ZNF678: variants seen among roughly 807,000 people sequenced by gnomAD.
The protein encoded by ZNF678 is hypothetical protein MGC42493.
Under a neutral mutation model 3.0 loss-of-function variants are expected in ZNF678, and 5 were observed. That is an observed-to-expected ratio of 1.69 (90% CI 0.88 to 3.56). The LOEUF is 3.56. ZNF678 is among the 30% of genes most tolerant of loss of function. The pLI, the probability that ZNF678 is intolerant of heterozygous loss-of-function variation, is 0.00. For synonymous variants in ZNF678, 218 were observed against 199.6 expected, an observed-to-expected ratio of 1.09 and a Z score of -0.78; for missense variants, 593 against 605.0, an observed-to-expected ratio of 0.98 and a Z score of 0.21.
In ZNF678 at chr1:227,655,793, G is replaced by C; in HGVS notation, c.1543G>C (p.Glu515Gln). 1 of 1,580,272 alleles carries C rather than the reference G, an allele frequency of 6.3e-7. No individual in the cohort carries two copies. The highest frequency in any genetic ancestry group is 8.6e-7 in the Non-Finnish European group (1 of 1,166,872). ...SKYKRIYTGE[E>Q]PDKCKKCGSL ...GTATAAGAGAATTTATACTGGAGAG[G>C]AACCTGACAAATGTAAAAAATGTGG... The change falls in exon 4 of 4, where the codon GAA becomes CAA. Residue 515 changes from glutamate (E) to glutamine (Q), a missense_variant. Physicochemically the swap from Glu to Gln is conservative, Grantham distance 29. Coordinates refer to ENST00000343776, the MANE Select transcript of ZNF678 (RefSeq NM_001367909.1).
At position 227,659,108 on chromosome 1, in the gene ZNF678, C is replaced by T. The variant is rs1558160464; in HGVS notation, c.*3280C>T. 1 of 151,860 alleles carries T rather than the reference C, an allele frequency of 6.6e-6. No homozygotes were observed. The highest frequency in any genetic ancestry group is 1.9e-4 in the East Asian group (1 of 5,182). 9.4% of individuals were successfully genotyped at this position (151,860 alleles called of 1,614,324 possible). A position where few individuals can be genotyped will look rare whatever the true frequency, so the allele number is the denominator to read the frequency against. ...ATGTAATATATTAGACAATAATAAA[C>T]ATTTACATTTATGTTTACATTTATA... is the stretch of plus-strand genomic sequence containing the variant. On this transcript the variant is annotated 3_prime_UTR_variant, in exon 4 of 4. Transcript: ENST00000343776.
chr1:227,664,368 C>T (rs1659466087), downstream of ZNF678, among the ~76,000 whole-genome samples: 1 of 152,126 alleles, frequency 6.6e-6, no homozygotes, highest in African/African-American at 2.4e-5. Context: ...GCTTCCGACA[C>T]TTGATAATCT....
intron 1 of ZNF678, among the ~76,000 whole-genome samples, chr1:227,587,187 A>G (rs1322765324): frequency 1.3e-5 from 2 of 152,220 alleles, no homozygotes; most frequent in Non-Finnish European, 2.9e-5. Flanking sequence ...AGTGTCGTCA[A>G]GTAATCACTT....
intron 5 of ZNF678, among the ~76,000 whole-genome samples, chr1:227,667,860 T>C (rs1283617230): frequency 1.3e-5 from 2 of 152,140 alleles, no homozygotes; most frequent in African/African-American, 4.8e-5. Flanking sequence ...ACATTAACCA[T>C]GAAATTATAG....
chr1:227,573,982 G>T (rs929871690), intron 1 of ZNF678, among the ~76,000 whole-genome samples: 24 of 152,100 alleles, frequency 1.6e-4, no homozygotes, highest in Admixed American at 1.5e-3. Context: ...CTCCAATCAG[G>T]TTCCTGCAAA....
At chr1:227,569,134 C>A (rs1304054131) in intron 1 of ZNF678, among the ~76,000 whole-genome samples, 1 of 152,140 alleles carries the variant, frequency 6.6e-6, no homozygotes, top group Non-Finnish European at 1.5e-5. Flanking sequence ...GGACTACAGG[C>A]ATATACTACC....
chr1:227,567,954 CA>C (rs980994029), intron 1 of ZNF678, among the ~76,000 whole-genome samples: 10 of 151,950 alleles, frequency 6.6e-5, no homozygotes, highest in African/African-American at 2.2e-4. Flanking sequence ...GAGGAACACA[CA>C]AAACTAGAAA....
intron 1 of ZNF678, among the ~76,000 whole-genome samples, chr1:227,627,314 CTA>C (rs1482775077): frequency 3.9e-5 from 6 of 152,038 alleles, no homozygotes; most frequent in African/African-American, 9.7e-5. Context: ...GGGGAGGAAA[CTA>C]TGTCCTCATG....
intron 1 of ZNF678, among the ~76,000 whole-genome samples, chr1:227,580,093 G>A (rs947339950): frequency 6.6e-6 from 1 of 152,156 alleles, no homozygotes; most frequent in Non-Finnish European, 1.5e-5. Context: ...CTTCTTGACA[G>A]TTCAACTTGT....
intron 1 of ZNF678, among the ~76,000 whole-genome samples, chr1:227,582,953 G>C (rs1369632987): frequency 6.6e-6 from 1 of 152,180 alleles, no homozygotes; most frequent in African/African-American, 2.4e-5. Context: ...GGCAATTTCT[G>C]ATAGGTAAAG....
At chr1:227,623,886 A>G (rs1337756227) in intron 1 of ZNF678, among the ~76,000 whole-genome samples, 1 of 152,214 alleles carries the variant, frequency 6.6e-6, no homozygotes, top group Non-Finnish European at 1.5e-5. Flanking sequence ...CTCTCCAATC[A>G]TCTGGAAGAT....
chr1:227,634,116 C>A (rs910603048), intron 1 of ZNF678, among the ~76,000 whole-genome samples: 5 of 152,182 alleles, frequency 3.3e-5, no homozygotes. Flanking sequence ...TTTCTATACA[C>A]CCGCTGGGCC....
rs1181601216 is a variant in ZNF678, at chr1:227,660,162, C to T, written c.*4334C>T. 6.6e-6 allele frequency: 1 copy of T among 151,888 alleles called. No homozygotes were observed. Among genetic ancestry groups the T allele is most frequent in the Non-Finnish European group, 1.5e-5 (1 of 67,996 alleles). 9.4% of individuals were successfully genotyped at this position (151,888 alleles called of 1,614,324 possible). A position where few individuals can be genotyped will look rare whatever the true frequency, so the allele number is the denominator to read the frequency against. ...ATCTGTTTTTAATGCCAGTATTGGA[C>T]TGTTTCAGTTACTGTAGCTTTGCAG... On this transcript the variant is annotated 3_prime_UTR_variant, in exon 4 of 4. Coordinates refer to ENST00000343776, the MANE Select transcript of ZNF678 (RefSeq NM_001367909.1).
chr1:227,648,037 A>G (rs1658999786), intron 2 of ZNF678, among the ~76,000 whole-genome samples: 1 of 152,158 alleles, frequency 6.6e-6, no homozygotes, highest in Admixed American at 6.5e-5. Context: ...AGAACACTAA[A>G]TATAAGAAAA....
chr1:227,630,012 A>C (rs1347120629), intron 1 of ZNF678, among the ~76,000 whole-genome samples: 1 of 151,412 alleles, frequency 6.6e-6, no homozygotes, highest in Non-Finnish European at 1.5e-5. Flanking sequence ...TAAAAAACTG[A>C]GTTTGCCAAG....
intron 1 of ZNF678, among the ~76,000 whole-genome samples, chr1:227,622,583 A>T (rs554704845): frequency 6.6e-6 from 1 of 152,334 alleles, no homozygotes; most frequent in East Asian, 1.9e-4. Flanking sequence ...GGCATACAAA[A>T]ATATTTGTCA....
intron 1 of ZNF678, among the ~76,000 whole-genome samples, chr1:227,569,287 A>G (rs1437759822): frequency 6.6e-6 from 1 of 152,160 alleles, no homozygotes; most frequent in African/African-American, 2.4e-5. Context: ...CCCATGCCTG[A>G]TCGGGACAAC....
chr1:227,577,839 T>C (rs553267062), intron 1 of ZNF678, among the ~76,000 whole-genome samples: 1 of 152,358 alleles, frequency 6.6e-6, no homozygotes, highest in East Asian at 1.9e-4. Context: ...GTCACTGGTC[T>C]GTGTACTTCA....
intron 5 of ZNF678, among the ~76,000 whole-genome samples, chr1:227,669,408 G>A (rs1166127992): frequency 2.6e-5 from 4 of 152,010 alleles, no homozygotes; most frequent in Non-Finnish European, 4.4e-5. Context: ...AGGCCGAGGC[G>A]GGTGGATCAC....
Sources: allele counts gnomAD v4.1 joint callset (sites outside exome capture counted in the v4.1 genomes callset), GRCh38; gene constraint gnomAD v4.1.1; transcripts MANE v1.5; gene names NCBI Gene and HGNC (gene_info 2026-07-23, HGNC 2026-07-21).